EYS: variants seen among roughly 807,000 people sequenced by gnomAD.
The protein encoded by EYS is EGF-like photoreceptor maintenance factor.
A neutral mutation model predicts 282.1 loss-of-function variants in EYS; 250 were observed. The observed-to-expected ratio is 0.89, with a 90% CI of 0.80 to 0.98. EYS has a LOEUF of 0.98. Among genes scored for constraint, EYS ranks in the 50% least tolerant of loss-of-function variants. The pLI is 0.00. For missense variants in EYS, 4,016 were observed against 3,709.0 expected, an observed-to-expected ratio of 1.08 and a Z score of -2.15; for synonymous variants, 1,355 against 1,282.9, an observed-to-expected ratio of 1.06 and a Z score of -1.20.
At chr6:64,981,621 T>C (rs1770669211) in intron 14 of EYS, among the ~76,000 whole-genome samples, 1 of 151,362 alleles carries the variant, frequency 6.6e-6, no homozygotes, top group African/African-American at 2.4e-5. Flanking sequence ...AAATTATAGA[T>C]CCTGTACATG....
intron 31 of EYS, among the ~76,000 whole-genome samples, chr6:64,188,743 C>A (rs1765019741): frequency 6.6e-6 from 1 of 151,992 alleles, no homozygotes; most frequent in Admixed American, 6.6e-5. Context: ...ATAGTAATAA[C>A]TTTAGTTATG....
intron 26 of EYS, among the ~76,000 whole-genome samples, chr6:64,456,747 T>C (rs984038167): frequency 6.6e-6 from 1 of 152,036 alleles, no homozygotes; most frequent in African/African-American, 2.4e-5. Flanking sequence ...ATTACCATAT[T>C]AAACAGATCT....
chr6:64,875,806 T>G (rs1766732820), intron 19 of EYS, among the ~76,000 whole-genome samples: 1 of 152,066 alleles, frequency 6.6e-6, no homozygotes, highest in South Asian at 2.1e-4. Flanking sequence ...ATAATTTATC[T>G]GAGGCCAATT....
chr6:64,608,344 G>T (rs1411354318), intron 24 of EYS, among the ~76,000 whole-genome samples: 1 of 152,104 alleles, frequency 6.6e-6, no homozygotes, highest in African/African-American at 2.4e-5. Context: ...GAATAGAGAA[G>T]AAGAGGAAGG....
At chr6:65,224,359 GA>G (rs1304977880) in intron 12 of EYS, among the ~76,000 whole-genome samples, 2 of 152,046 alleles carry the variant, frequency 1.3e-5, no homozygotes, top group Non-Finnish European at 2.9e-5. Flanking sequence ...AAAATATGTT[GA>G]GACAAATGAA....
intron 13 of EYS, among the ~76,000 whole-genome samples, chr6:65,054,156 T>G (rs140553756): frequency 6.6e-6 from 1 of 152,120 alleles, no homozygotes; most frequent in African/African-American, 2.4e-5. Flanking sequence ...GGAAAGTCTT[T>G]CCTATTAGCA....
intron 26 of EYS, among the ~76,000 whole-genome samples, chr6:64,525,354 T>G (rs1777882140): frequency 6.6e-6 from 1 of 151,784 alleles, no homozygotes; most frequent in African/African-American, 2.4e-5. Context: ...TTAAAAAGAA[T>G]GAAATCATGT....
chr6:64,080,543 A>T (rs1771929957), intron 32 of EYS, among the ~76,000 whole-genome samples: 2 of 152,118 alleles, frequency 1.3e-5, no homozygotes, highest in Non-Finnish European at 2.9e-5. Flanking sequence ...TTTGCTGTGC[A>T]GAAGCTCTTT....
chr6:65,694,739 A>AT (rs1769378840), intron 1 of EYS, among the ~76,000 whole-genome samples: 1 of 95,882 alleles, frequency 1.0e-5, no homozygotes, highest in East Asian at 5.0e-4. Context: ...CTTGTTGTAG[A>AT]TTTAAAAAAA....
At chr6:65,217,625 G>A (rs974014853) in intron 12 of EYS, among the ~76,000 whole-genome samples, 2 of 151,950 alleles carry the variant, frequency 1.3e-5, no homozygotes, top group African/African-American at 4.8e-5. Context: ...GGAAGTAATA[G>A]TTCTGTTGAC....
At chr6:64,536,929 C>CT (rs1371831643) in intron 26 of EYS, among the ~76,000 whole-genome samples, 1 of 151,626 alleles carries the variant, frequency 6.6e-6, no homozygotes, top group Non-Finnish European at 1.5e-5. Context: ...GTCCAAGAAT[C>CT]TTTTTTCCCT....
At chr6:65,627,268 A>C (rs1422380152) in intron 2 of EYS, among the ~76,000 whole-genome samples, 1 of 152,224 alleles carries the variant, frequency 6.6e-6, no homozygotes, top group East Asian at 1.9e-4. Context: ...AAAATATCCC[A>C]GTGAACTTGT....
chr6:64,031,520 C>G (rs189352252), intron 33 of EYS, among the ~76,000 whole-genome samples: 1 of 152,370 alleles, frequency 6.6e-6, no homozygotes, highest in Admixed American at 6.5e-5. Context: ...GCGCAGGGCG[C>G]AGGACTGGCA....
chr6:65,544,192 T>C (rs1768297865), intron 2 of EYS, among the ~76,000 whole-genome samples: 1 of 152,188 alleles, frequency 6.6e-6, no homozygotes, highest in Non-Finnish European at 1.5e-5. Flanking sequence ...TGTTTGTCAT[T>C]GCACTTTGTA....
At chr6:63,941,211 G>T (rs1441753435) in intron 35 of EYS, among the ~76,000 whole-genome samples, 1 of 152,140 alleles carries the variant, frequency 6.6e-6, no homozygotes, top group East Asian at 1.9e-4. Context: ...TAATGGGATG[G>T]CTGGGTCAAA....
At chr6:65,169,437 T>C (rs961096943) in intron 12 of EYS, among the ~76,000 whole-genome samples, 1 of 151,454 alleles carries the variant, frequency 6.6e-6, no homozygotes, top group Admixed American at 6.6e-5. Context: ...AATACAAATA[T>C]ATGTATTACG....
At chr6:63,976,395 G>A (rs1766839689) in intron 35 of EYS, among the ~76,000 whole-genome samples, 1 of 152,028 alleles carries the variant, frequency 6.6e-6, no homozygotes, top group African/African-American at 2.4e-5. Context: ...GTTGTTGACT[G>A]AAACATTGTT....
intron 22 of EYS, among the ~76,000 whole-genome samples, chr6:64,767,664 T>C (rs887719513): frequency 4.6e-5 from 7 of 152,304 alleles, no homozygotes; most frequent in Non-Finnish European, 8.8e-5. Context: ...ATATACCACA[T>C]TGTCTTTATT....
chr6:64,353,582 T>C (rs1346383580), intron 29 of EYS, among the ~76,000 whole-genome samples: 2 of 151,648 alleles, frequency 1.3e-5, no homozygotes, highest in East Asian at 3.9e-4. Context: ...CCCTCTGTAA[T>C]TTATCCTTAT....
Sources: allele counts gnomAD v4.1 joint callset (sites outside exome capture counted in the v4.1 genomes callset), GRCh38; gene constraint gnomAD v4.1.1; transcripts MANE v1.5; gene names NCBI Gene and HGNC (gene_info 2026-07-23, HGNC 2026-07-21).